Variants in MTUS2 observed in about 807,000 individuals in gnomAD.
The protein encoded by MTUS2 is microtubule-associated tumor suppressor candidate 2.
MTUS2 carries 40 observed loss-of-function variants against 114.1 expected under a neutral mutation model. The ratio of observed to expected loss-of-function variants is 0.35; its 90% CI spans 0.27 to 0.46. The LOEUF (loss-of-function observed/expected upper bound fraction) is 0.46, where lower values mean the gene tolerates loss of function less well. Among genes scored for constraint, MTUS2 ranks in the 20% least tolerant of loss-of-function variants. The pLI, the probability that MTUS2 is intolerant of heterozygous loss-of-function variation, is 1.00. For synonymous variants in MTUS2, 688 were observed against 672.0 expected, an observed-to-expected ratio of 1.02 and a Z score of -0.37; for missense variants, 1,679 against 1,705.4, an observed-to-expected ratio of 0.98 and a Z score of 0.27.
chr13:29,464,251 T>C (rs1433287678), intron 9 of MTUS2, among the ~76,000 whole-genome samples: 1 of 152,206 alleles, frequency 6.6e-6, no homozygotes, highest in Non-Finnish European at 1.5e-5. Context: ...ATGTGGAGGA[T>C]GAGAAGCTGA....
At chr13:29,338,615 A>G (rs1901212789) in intron 7 of MTUS2, among the ~76,000 whole-genome samples, 2 of 152,266 alleles carry the variant, frequency 1.3e-5, no homozygotes, top group South Asian at 2.1e-4. Flanking sequence ...ACAAAGTTGC[A>G]TAACCCAAAG....
chr13:29,059,228 A>ATTTTTTTTTTTTTTTTTT (rs35369352), intron 4 of MTUS2, among the ~76,000 whole-genome samples: 44 of 97,126 alleles, frequency 4.5e-4, no homozygotes, highest in East Asian at 2.2e-3. Context: ...TATTCTTTGG[A>ATTTTTTTTTTTTTTTTTT]TTTTTTTTTT....
chr13:28,925,709 A>C (rs1201134264), intron 2 of MTUS2, among the ~76,000 whole-genome samples: 1 of 152,182 alleles, frequency 6.6e-6, no homozygotes, highest in African/African-American at 2.4e-5. Flanking sequence ...TGGTGTCTCA[A>C]ATTCCTTATA....
chr13:28,948,043 G>A (rs1186026414), intron 2 of MTUS2, among the ~76,000 whole-genome samples: 1 of 152,120 alleles, frequency 6.6e-6, no homozygotes, highest in Non-Finnish European at 1.5e-5. Flanking sequence ...TCTTTTTCTT[G>A]TTCAAAGATG....
At chr13:29,330,029 T>G (rs1900702914) in intron 7 of MTUS2, among the ~76,000 whole-genome samples, 1 of 152,350 alleles carries the variant, frequency 6.6e-6, no homozygotes, top group South Asian at 2.1e-4. Context: ...CCACATTGTC[T>G]TCCACAATGG....
At chr13:29,013,548 G>T (rs1885939565) in intron 2 of MTUS2, among the ~76,000 whole-genome samples, 1 of 152,102 alleles carries the variant, frequency 6.6e-6, no homozygotes, top group Non-Finnish European at 1.5e-5. Context: ...CATTTTTTTA[G>T]AGCAAACAGT....
rs146783357 is a variant in MTUS2, at chr13:28,886,842, G to A, written c.-243+46992G>A. On this transcript the variant is annotated intron_variant, in intron 2 of 15. Coordinates refer to ENST00000612955, the MANE Select transcript of MTUS2 (RefSeq NM_001033602.4). ...AGACCAAAGCTGCTTCAGCACTTCAGATGCAGAATGATGGCCATGGGCACA... is the reference window on the plus strand; with the variant it reads ...AGACCAAAGCTGCTTCAGCACTTCAAATGCAGAATGATGGCCATGGGCACA... Among the ~76,000 whole-genome samples the A allele has an allele frequency of 2.3e-3, 351 of 152,326 alleles. 2 individuals are homozygous for A. Among genetic ancestry groups the A allele is most frequent in the Admixed American group, 4.6e-3 (70 of 15,306 alleles).
intron 6 of MTUS2, chr13:29,307,239 G>T (rs1484645558): frequency 4.9e-6 from 3 of 616,810 alleles, no homozygotes; most frequent in Non-Finnish European, 6.0e-6. Context: ...CCTGCACCAT[G>T]AATTGCTTAG....
intron 8 of MTUS2, among the ~76,000 whole-genome samples, chr13:29,360,254 A>T (rs1020350198): frequency 6.6e-6 from 1 of 152,162 alleles, no homozygotes; most frequent in African/African-American, 2.4e-5. Flanking sequence ...TATACATGGG[A>T]GGAAGTAAAA....
intron 2 of MTUS2, among the ~76,000 whole-genome samples, chr13:28,943,075 T>C (rs1490077701): frequency 6.6e-6 from 1 of 152,350 alleles, no homozygotes; most frequent in African/African-American, 2.4e-5. Flanking sequence ...GACATTCCTC[T>C]GGCATTATGC....
At chr13:29,050,237 A>G (rs116811801) in intron 4 of MTUS2, among the ~76,000 whole-genome samples, 1 of 152,268 alleles carries the variant, frequency 6.6e-6, no homozygotes, top group African/African-American at 2.4e-5. Flanking sequence ...ATAAAATGTT[A>G]GGGAACTAGA....
At chr13:28,926,017 G>A (rs754715282) in intron 2 of MTUS2, among the ~76,000 whole-genome samples, 1 of 152,146 alleles carries the variant, frequency 6.6e-6, no homozygotes, top group Non-Finnish European at 1.5e-5. Context: ...TTGAGGCAAC[G>A]TTACCCTGTT....
chr13:29,218,626 G>A (rs956143905), intron 5 of MTUS2, among the ~76,000 whole-genome samples: 6 of 152,164 alleles, frequency 3.9e-5, no homozygotes, highest in Non-Finnish European at 8.8e-5. Context: ...TGATTCAGGG[G>A]CCACAGAATG....
chr13:28,915,705 T>G (rs2935193), intron 2 of MTUS2, among the ~76,000 whole-genome samples: 19,347 of 151,846 alleles, frequency 0.13, 1,479 homozygotes, highest in African/African-American at 0.2. Flanking sequence ...TTAATCCCTT[T>G]TCAGATGGGT....
At chr13:29,299,586 C>T (rs944363287) in intron 6 of MTUS2, among the ~76,000 whole-genome samples, 5 of 152,078 alleles carry the variant, frequency 3.3e-5, no homozygotes, top group African/African-American at 1.2e-4. Flanking sequence ...CCATATGGTG[C>T]AGAGACATAA....
chr13:28,959,833 G>A (rs943139970), intron 2 of MTUS2, among the ~76,000 whole-genome samples: 2 of 152,174 alleles, frequency 1.3e-5, no homozygotes, highest in African/African-American at 4.8e-5. Flanking sequence ...ATTTGGAGGG[G>A]ACAAAACGTC....
chr13:29,499,595 G>A (rs1047770162), intron 14 of MTUS2, among the ~76,000 whole-genome samples: 5 of 152,152 alleles, frequency 3.3e-5, no homozygotes, highest in African/African-American at 9.7e-5. Flanking sequence ...TAGTATCTGC[G>A]TGCACATGTG....
At chr13:28,981,694 G>A (rs936510725) in intron 2 of MTUS2, among the ~76,000 whole-genome samples, 4 of 152,160 alleles carry the variant, frequency 2.6e-5, no homozygotes, top group Non-Finnish European at 5.9e-5. Flanking sequence ...GCTGAGTGGC[G>A]CTTGGCAATG....
intron 5 of MTUS2, among the ~76,000 whole-genome samples, chr13:29,225,074 T>A (rs1034467778): frequency 6.6e-6 from 1 of 152,180 alleles, no homozygotes; most frequent in African/African-American, 2.4e-5. Context: ...CAGGCTTTGC[T>A]CAGCTTCCTT....
Sources: gnomAD v4.1 joint callset for allele counts (sites outside exome capture counted in the v4.1 genomes callset) on GRCh38, gnomAD v4.1.1 for gene constraint, MANE v1.5 for transcripts, NCBI Gene and HGNC (gene_info 2026-07-23, HGNC 2026-07-21) for gene names.